The following IL2RB variants were observed in gnomAD, a reference collection of about 807,000 sequenced individuals.
IL2RB encodes the protein interleukin 2 receptor subunit beta.
Under a neutral mutation model 44.2 loss-of-function variants are expected in IL2RB, and 17 were observed. The observed-to-expected ratio is 0.38, with a 90% CI of 0.26 to 0.58. IL2RB has a LOEUF of 0.58. Among genes scored for constraint, IL2RB ranks in the 20% least tolerant of loss-of-function variants. The probability of loss-of-function intolerance (pLI) is 0.63; values close to 1 mark genes in which losing one functional copy is unlikely to be tolerated. For missense variants in IL2RB, 624 were observed against 685.5 expected (o/e 0.91, Z 1.00); for synonymous variants, 286 against 297.9 (o/e 0.96, Z 0.41).
At chr22:37,139,674 CA>C (rs1032247573) in intron 4 of IL2RB, among the ~76,000 whole-genome samples, 2 of 152,180 alleles carry the variant, frequency 1.3e-5, no homozygotes, top group Non-Finnish European at 2.9e-5. Flanking sequence ...ACCTGTTTAA[CA>C]TTTTTTAGTG....
intron 1 of IL2RB, among the ~76,000 whole-genome samples, chr22:37,166,479 C>T (rs566178499): frequency 3.3e-5 from 5 of 152,306 alleles, no homozygotes; most frequent in Non-Finnish European, 5.9e-5. Flanking sequence ...GCTCCGTTCC[C>T]GCGGTGGAGG....
rs541977114 is a variant in IL2RB, at chr22:37,141,248, T to C, written c.282+1186A>G. Reference sequence around the variant, plus strand: ...AGGGGCCCTGGTCCAAACCCAAGCCTCCAGGTGATCTTGCAAGCAGGGAGC... The same window carrying C: ...AGGGGCCCTGGTCCAAACCCAAGCCCCCAGGTGATCTTGCAAGCAGGGAGC... On this transcript the variant is annotated intron_variant, in intron 4 of 9. Transcript: ENST00000216223. This position sits in a 1 kb window ranked among gnomAD's most constrained non-coding sequence, Gnocchi z 4.4. Among the ~76,000 whole-genome samples the C allele has an allele frequency of 1.6e-3, 246 of 151,468 alleles. No homozygotes were observed. The highest frequency in any genetic ancestry group is 3.8e-3 in the South Asian group (18 of 4,790).
upstream of IL2RB, among the ~76,000 whole-genome samples, chr22:37,152,554 CT>C (rs1374545413): frequency 2.6e-5 from 4 of 152,240 alleles, no homozygotes; most frequent in South Asian, 6.2e-4. Flanking sequence ...TTTGGATGCC[CT>C]TTACTTCTTT....
chr22:37,162,355 G>C (rs1197920880), intron 1 of IL2RB, among the ~76,000 whole-genome samples: 1 of 152,166 alleles, frequency 6.6e-6, no homozygotes, highest in Non-Finnish European at 1.5e-5. Flanking sequence ...CTAATGTACT[G>C]GTGGGGTAGG....
intron 1 of IL2RB, among the ~76,000 whole-genome samples, chr22:37,168,688 G>A (rs1601615404): frequency 1.3e-5 from 2 of 152,336 alleles, no homozygotes; most frequent in South Asian, 2.1e-4. Context: ...GGAGGATGGG[G>A]ATGAGTGTTC....
At chr22:37,153,641 A>G (rs574061441), upstream of IL2RB, among the ~76,000 whole-genome samples, 8 of 152,350 alleles carry the variant, frequency 5.3e-5, no homozygotes, top group African/African-American at 1.9e-4. Flanking sequence ...AACAGCCAAC[A>G]TTTATTAAGC....
intron 1 of IL2RB, among the ~76,000 whole-genome samples, chr22:37,164,994 T>TAC (rs1340556360): frequency 6.6e-6 from 1 of 152,164 alleles, no homozygotes; most frequent in East Asian, 1.9e-4. Flanking sequence ...CCAGAATCTG[T>TAC]ATTTTCACCA....
chr22:37,157,314 T>G (rs556663473), intron 1 of IL2RB, among the ~76,000 whole-genome samples: 3 of 152,128 alleles, frequency 2.0e-5, no homozygotes, highest in African/African-American at 7.2e-5. Flanking sequence ...CCTGACTCCT[T>G]CCCTCCCTCA....
At chr22:37,147,131 T>A (rs1922263292) in intron 1 of IL2RB, among the ~76,000 whole-genome samples, 1 of 152,146 alleles carries the variant, frequency 6.6e-6, no homozygotes, top group Admixed American at 6.5e-5. Flanking sequence ...GCCACCCCCT[T>A]AGTCACACCA....
At chr22:37,145,875 G>A (rs3218265) in intron 1 of IL2RB, among the ~76,000 whole-genome samples, 2,433 of 151,972 alleles carry the variant, frequency 0.016, 73 homozygotes, top group African/African-American at 0.055. Context: ...CTCCAAACTC[G>A]AGCTCTCACT....
rs755510758 is a variant in IL2RB at position 37,142,522 on chromosome 22, C to G, written c.204-10G>C. ...GGTTTGGTTCCACCGCCTTTCATGG[C>G]AAAAGACCCTCTTTAGAAGAACAGG... On this transcript the variant is annotated splice_polypyrimidine_tract_variant and intron_variant, in intron 3 of 9. Coordinates refer to ENST00000216223, the MANE Select transcript of IL2RB (RefSeq NM_000878.5). The G allele has an allele frequency of 3.1e-6, 5 of 1,613,730 alleles. No homozygotes were observed. The Admixed American group carries it at 8.3e-5, about 27-fold the overall frequency.
intron 1 of IL2RB, among the ~76,000 whole-genome samples, chr22:37,165,604 T>C (rs1923041410): frequency 6.6e-6 from 1 of 152,144 alleles, no homozygotes; most frequent in African/African-American, 2.4e-5. Flanking sequence ...CAGCTAAAGT[T>C]TGTATGAGAT....
chr22:37,152,946 T>TTTTG (rs1922551669), upstream of IL2RB, among the ~76,000 whole-genome samples: 1 of 145,608 alleles, frequency 6.9e-6, no homozygotes, highest in Non-Finnish European at 1.5e-5. Context: ...TTTTTTTTTT[T>TTTTG]TTTTTTGAGA....
At chr22:37,135,691 A>G (rs1000051017) in intron 7 of IL2RB, among the ~76,000 whole-genome samples, 2 of 151,712 alleles carry the variant, frequency 1.3e-5, no homozygotes, top group African/African-American at 4.8e-5. Flanking sequence ...TGGTGAGCCT[A>G]CAGCCCCCCA....
chr22:37,136,304 C>T lies in IL2RB; in HGVS notation c.627G>A (p.Arg209=). The change falls in exon 7 of 10, where the codon CGG becomes CGA. Residue 209 remains arginine, a synonymous_variant. Coordinates refer to ENST00000216223, the MANE Select transcript of IL2RB (RefSeq NM_000878.5). ...TGAACTCGCCTTGCAGAGGCTTGAC[C>T]CGCACCTGAAACTCATACTGGGTGT... ...TPDTQYEFQV[R]VKPLQGEFTT... The T allele has an allele frequency of 6.2e-7, 1 of 1,613,134 alleles. No individual in the cohort carries two copies. The highest frequency in any genetic ancestry group is 1.3e-5 in the African/African-American group (1 of 74,982).
chr22:37,164,306 G>A (rs1318311180), intron 1 of IL2RB, among the ~76,000 whole-genome samples: 1 of 152,112 alleles, frequency 6.6e-6, no homozygotes. Flanking sequence ...TGCACAAGGG[G>A]TCAGAGGAGG....
At chr22:37,165,005 C>T (rs1053216254) in intron 1 of IL2RB, among the ~76,000 whole-genome samples, 2 of 151,790 alleles carry the variant, frequency 1.3e-5, no homozygotes, top group African/African-American at 4.8e-5. Context: ...ATTTTCACCA[C>T]GTCCCCAAGC....
At chr22:37,159,037 CG>C (rs1423523936) in intron 1 of IL2RB, among the ~76,000 whole-genome samples, 2 of 152,260 alleles carry the variant, frequency 1.3e-5, no homozygotes, top group Non-Finnish European at 2.9e-5. Context: ...GTACCCACAA[CG>C]GTTTCCGCTT....
intron 1 of IL2RB, among the ~76,000 whole-genome samples, chr22:37,156,149 T>C (rs1922673603): frequency 6.6e-6 from 1 of 152,182 alleles, no homozygotes; most frequent in Admixed American, 6.5e-5. Context: ...GTCCACACTG[T>C]AGCCTCCAGC....
Sources: allele counts gnomAD v4.1 joint callset (sites outside exome capture counted in the v4.1 genomes callset), GRCh38; gene constraint gnomAD v4.1.1; non-coding constraint Gnocchi (gnomAD v3.1); transcripts MANE v1.5; gene names NCBI Gene and HGNC (gene_info 2026-07-23, HGNC 2026-07-21).